LARS1: variants seen among roughly 807,000 people sequenced by gnomAD.
LARS1 encodes leucine--tRNA ligase, cytoplasmic.
In LARS1, 100 loss-of-function variants were observed where a neutral mutation model predicts 162.8. The ratio of observed to expected loss-of-function variants is 0.61; its 90% CI spans 0.52 to 0.73. The LOEUF is 0.73. Ranked by LOEUF, LARS1 falls within the 30% of genes least tolerant of loss-of-function variation. LARS1 has a pLI of 0.00. For synonymous variants in LARS1, 457 were observed against 462.8 expected (o/e 0.99, Z 0.16); for missense variants, 1,258 against 1,408.9 (o/e 0.89, Z 1.71).
chr5:146,171,773 A>T, intron 4 of LARS1, 137 bp downstream of exon 4: 1 of 591,156 alleles, frequency 1.7e-6, no homozygotes, highest in Non-Finnish European at 2.9e-6. Context: ...TTTTTAAATT[A>T]ATTTTCACTA....
intron 1 of LARS1, 130 bp downstream of exon 1, chr5:146,182,358 C>A: frequency 3.2e-6 from 4 of 1,235,016 alleles, no homozygotes; most frequent in South Asian, 2.4e-5. Flanking sequence ...AAAGTCTCTA[C>A]GAAAGGCACG....
chr5:146,157,386 T>C lies in LARS1; in HGVS notation c.1065+17A>G. 1 of 1,599,176 alleles carries C rather than the reference T, an allele frequency of 6.3e-7. No individual in the cohort carries two copies. The highest frequency in any genetic ancestry group is 8.6e-7 in the Non-Finnish European group (1 of 1,168,310). ...GAAATTTACGCATTAAAATAAAAAATCTGCTATCCAACTTACCTCCCCCAT... is the reference window on the plus strand; with the variant it reads ...GAAATTTACGCATTAAAATAAAAAACCTGCTATCCAACTTACCTCCCCCAT... On this transcript the variant is annotated intron_variant, in intron 10 of 31. Transcript: ENST00000394434.
chr5:146,126,656 C>T (rs1363054116), intron 27 of LARS1, 111 bp from the exon 28 acceptor site: 3 of 679,408 alleles, frequency 4.4e-6, no homozygotes, highest in South Asian at 1.9e-5. Context: ...CCTTAGAGAA[C>T]AGCAGAAAAG....
At chr5:146,161,306 T>A (rs757755285) in intron 6 of LARS1, among the ~76,000 whole-genome samples, 2 of 152,236 alleles carry the variant, frequency 1.3e-5, no homozygotes, top group Non-Finnish European at 2.9e-5. Flanking sequence ...AAGGTTGTGA[T>A]GGCTATGGCA....
Position 146,167,184 on chromosome 5 carries a change from G to A in LARS1, c.432+944C>T, listed in dbSNP as rs143216101. Among the ~76,000 whole-genome samples, 332 of 152,318 alleles carry A rather than the reference G, an allele frequency of 2.2e-3. 3 individuals are homozygous for A. The highest frequency in any genetic ancestry group is 7.8e-3 in the African/African-American group (323 of 41,578). On this transcript the variant is annotated intron_variant, in intron 5 of 31. Coordinates refer to ENST00000394434, the MANE Select transcript of LARS1 (RefSeq NM_020117.11). ...CAACTAACTGCAATGTGGGATCCTG[G>A]ATTGGACATTGGAAGAGAAAAGGAC...
At chr5:146,171,357 C>CA (rs143170490) in intron 4 of LARS1, among the ~76,000 whole-genome samples, 33,955 of 142,942 alleles carry the variant, frequency 0.24, 4,718 homozygotes, top group Admixed American at 0.35. Context: ...AACTCCGTCT[C>CA]AAAAAAAAAA....
At position 146,126,688 on chromosome 5, in the gene LARS1, G is replaced by A. The variant is rs1322934784; in HGVS notation, c.2881-143C>T. ...AAAGTGTCCAGCCCTAGCATCACGG[G>A]GAAGTGAAAGCTCAATGAACAATGC... On this transcript the variant is annotated intron_variant, in intron 27 of 31. Transcript: ENST00000394434. 1.8e-5 allele frequency: 10 copies of A among 569,684 alleles called. 1 individual carries two copies. The highest frequency in any genetic ancestry group is 3.2e-5 in the Non-Finnish European group (10 of 316,140). The allele number at this position is 569,684 out of a possible 1,614,324, so 35.3% of individuals were successfully genotyped here.
chr5:146,120,435 G>A lies in LARS1; in HGVS notation c.3261C>T (p.Ile1087=), dbSNP rs1295598198. ...SNGHFSTKIE[I]RQGDNCDSII... ...TGGAATCACAGTTATCTCCTTGCCT[G>A]ATTTCAATTTTGGTTGAGAAGTGGC... The change falls in exon 31 of 32, where the codon ATC becomes ATT. Residue 1087 remains isoleucine, a synonymous_variant. Transcript: ENST00000394434. The A allele has an allele frequency of 1.9e-6, 3 of 1,613,168 alleles. No homozygotes were observed. Among genetic ancestry groups the A allele is most frequent in the East Asian group, 2.2e-5 (1 of 44,878 alleles).
At chr5:146,154,704 A>G (rs6884711) in intron 10 of LARS1, among the ~76,000 whole-genome samples, 146,801 of 152,060 alleles carry the variant, frequency 0.97, 71,086 homozygotes, top group East Asian at 1. Context: ...CTTGAACCCG[A>G]GAGGTGGAGG....
At chr5:146,157,661 C>T (rs1476973671) in intron 9 of LARS1, 33 bp from the exon 10 acceptor site, 2 of 1,612,348 alleles carry the variant, frequency 1.2e-6, no homozygotes, top group African/African-American at 1.3e-5. Flanking sequence ...GATGTAAAAA[C>T]ATGTCAACTC....
chr5:146,137,578 G>A (rs752450097), intron 21 of LARS1, among the ~76,000 whole-genome samples: 2 of 152,120 alleles, frequency 1.3e-5, no homozygotes, highest in South Asian at 4.1e-4. Flanking sequence ...GGAGCATTAC[G>A]TGACATCTAA....
intron 13 of LARS1, 41 bp from the exon 14 acceptor site, chr5:146,152,043 G>T: frequency 6.2e-7 from 1 of 1,609,688 alleles, no homozygotes; most frequent in South Asian, 1.1e-5. Context: ...ACACTGACTG[G>T]ACACACAGCT....
rs184701837 is a variant in LARS1, at chr5:146,142,728, T to C, written c.2090+144A>G. 507 of 657,226 alleles carry C rather than the reference T, an allele frequency of 7.7e-4. 5 individuals carry two copies. In the African/African-American group the frequency reaches 8.6e-3, roughly 11 times the overall value. 40.7% of individuals were successfully genotyped at this position (657,226 alleles called of 1,614,324 possible). A position where few individuals can be genotyped will look rare whatever the true frequency, so the allele number is the denominator to read the frequency against. On this transcript the variant is annotated intron_variant, in intron 20 of 31. Transcript: ENST00000394434. Reference sequence around the variant, plus strand: ...AAGAGATAGGAGGTGGCCTTTCTGCTTTAGTACATATTTAAGATAAGAAAA... The same window carrying C: ...AAGAGATAGGAGGTGGCCTTTCTGCCTTAGTACATATTTAAGATAAGAAAA...
chr5:146,132,812 A>G lies in LARS1; in HGVS notation c.2396+86T>C, dbSNP rs948620413. ...TCATTAGTTTATTTTATTAAAAAAA[A>G]AAAAGAAAAGAAAAGAAAAAGAAAA... On this transcript the variant is annotated intron_variant, in intron 23 of 31. Transcript: ENST00000394434. 2.4e-4 allele frequency: 248 copies of G among 1,025,950 alleles called. 5 individuals are homozygous for G. In the East Asian group the frequency reaches 2.7e-3, roughly 11 times the overall value. 63.6% of individuals were successfully genotyped at this position (1,025,950 alleles called of 1,614,324 possible).
At chr5:146,119,083 G>A (rs1430541087) in intron 31 of LARS1, among the ~76,000 whole-genome samples, 1 of 152,066 alleles carries the variant, frequency 6.6e-6, no homozygotes, top group Admixed American at 6.6e-5. Flanking sequence ...CCCTGCAAGT[G>A]GAAATAATCT....
rs113738975 is a variant in LARS1 at position 146,149,538 on chromosome 5, A to G, written c.1503+84T>C. On this transcript the variant is annotated intron_variant, in intron 15 of 31. Coordinates refer to ENST00000394434, the MANE Select transcript of LARS1 (RefSeq NM_020117.11). ...TATTTTTATTATAGCTCCAGGTTCT[A>G]CTGTAGAACTCACTGCTAATAACAC... 2,827 of 926,078 alleles carry G rather than the reference A, an allele frequency of 3.1e-3. 9 individuals are homozygous for G. Among genetic ancestry groups the G allele is most frequent in the Non-Finnish European group, 4.4e-3 (2,518 of 568,516 alleles). 57.4% of individuals were successfully genotyped at this position (926,078 alleles called of 1,614,324 possible).
chr5:146,140,341 AAT>A (rs1197951513), intron 20 of LARS1, 80 bp from the exon 21 acceptor site: 12 of 1,067,950 alleles, frequency 1.1e-5, no homozygotes, highest in Non-Finnish European at 1.7e-5. Flanking sequence ...GGTAAAAGCT[AAT>A]AGACTCATAA....
chr5:146,154,662 C>T (rs1753443375), intron 10 of LARS1, among the ~76,000 whole-genome samples: 1 of 151,864 alleles, frequency 6.6e-6, no homozygotes, highest in Non-Finnish European at 1.5e-5. Flanking sequence ...CCTGTAGTCC[C>T]AGCTATTTGG....
chr5:146,149,764 C>G, intron 14 of LARS1, 65 bp from the exon 15 acceptor site: 3 of 1,133,846 alleles, frequency 2.6e-6, no homozygotes, highest in Non-Finnish European at 3.9e-6. Flanking sequence ...GAGTTTCTTT[C>G]CTAATTTTCC....
Sources: gnomAD v4.1 joint callset for allele counts (sites outside exome capture counted in the v4.1 genomes callset) on GRCh38, gnomAD v4.1.1 for gene constraint, MANE v1.5 for transcripts, NCBI Gene and HGNC (gene_info 2026-07-23, HGNC 2026-07-21) for gene names.